The following TMEM87A variants were observed in gnomAD, a reference collection of about 807,000 sequenced individuals.
TMEM87A encodes Golgi-pH regulating cation channel.
In TMEM87A, 50 loss-of-function variants were observed where a neutral mutation model predicts 90.0. That is an observed-to-expected ratio of 0.56 (90% CI 0.44 to 0.70). TMEM87A has a LOEUF of 0.70. Among genes scored for constraint, TMEM87A ranks in the 30% least tolerant of loss-of-function variants. The probability of loss-of-function intolerance (pLI) is 0.00; values close to 1 mark genes in which losing one functional copy is unlikely to be tolerated. For synonymous variants in TMEM87A, 226 were observed against 226.7 expected (o/e 1.00, Z 0.03); for missense variants, 577 against 660.5 (o/e 0.87, Z 1.39).
intron 17 of TMEM87A, among the ~76,000 whole-genome samples, chr15:42,218,728 C>T (rs1156274572): frequency 2.0e-5 from 3 of 152,088 alleles, no homozygotes; most frequent in African/African-American, 7.2e-5. Context: ...CACGCTGTTG[C>T]GAATGACAAG....
chr15:42,235,831 C>T (rs907288979), intron 10 of TMEM87A, among the ~76,000 whole-genome samples: 12 of 152,110 alleles, frequency 7.9e-5, no homozygotes, highest in South Asian at 2.1e-4. Context: ...TGTCTTTGTC[C>T]CCTCCCTCCA....
chr15:42,239,834 C>T (rs2140945762), intron 7 of TMEM87A, 103 bp from the exon 8 acceptor site: 1 of 1,006,086 alleles, frequency 9.9e-7, no homozygotes, highest in East Asian at 2.4e-5. Flanking sequence ...TTCATTGGGT[C>T]ATTTACTTTT....
At chr15:42,250,083 G>A (rs1233677187) in intron 6 of TMEM87A, among the ~76,000 whole-genome samples, 1 of 152,118 alleles carries the variant, frequency 6.6e-6, no homozygotes, top group Non-Finnish European at 1.5e-5. Context: ...GACTAGAATT[G>A]CAACCCTGCT....
At chr15:42,219,948 C>A (rs1287313982) in intron 16 of TMEM87A, 114 bp downstream of exon 16, 2 of 1,005,504 alleles carry the variant, frequency 2.0e-6, no homozygotes, top group Non-Finnish European at 2.9e-6. Flanking sequence ...ATTTTCTTAA[C>A]CCTGACTTCA....
intron 15 of TMEM87A, 38 bp downstream of exon 15, chr15:42,226,768 A>G (rs2050602530): frequency 6.4e-7 from 1 of 1,556,392 alleles, no homozygotes; most frequent in South Asian, 1.1e-5. Context: ...TGACATGGTC[A>G]TCTCATGTTA....
At chr15:42,226,736 C>T (rs2050601850) in intron 15 of TMEM87A, 70 bp downstream of exon 15, 1 of 1,340,406 alleles carries the variant, frequency 7.5e-7, no homozygotes, top group Admixed American at 1.7e-5. Flanking sequence ...ATACTGTCCC[C>T]CAATGCACCA....
rs749092887 is a variant in TMEM87A at position 42,211,465 on chromosome 15, G to A, written c.*243C>T. 1 of 415,454 alleles carries A rather than the reference G, an allele frequency of 2.4e-6. No homozygotes were observed. The highest frequency in any genetic ancestry group is 3.7e-5 in the East Asian group (1 of 27,130). 25.7% of individuals were successfully genotyped at this position (415,454 alleles called of 1,614,324 possible). A position where few individuals can be genotyped will look rare whatever the true frequency, so the allele number is the denominator to read the frequency against. ...CATGAACATCCATGTCAGAGTCTGG[G>A]AGGAAAGGGGGCAGCAGTGTTGTAA... is the stretch of plus-strand genomic sequence containing the variant. On this transcript the variant is annotated 3_prime_UTR_variant, in exon 20 of 20. Transcript: ENST00000389834.
chr15:42,229,708 G>C (rs2050654860), intron 12 of TMEM87A, among the ~76,000 whole-genome samples: 1 of 152,132 alleles, frequency 6.6e-6, no homozygotes, highest in Non-Finnish European at 1.5e-5. Context: ...AAGCTCATAT[G>C]GTTTGCTTCC....
At position 42,217,877 on chromosome 15, in the gene TMEM87A, G is replaced by A. The variant is rs562473483; in HGVS notation, c.1596-44C>T. 12 of 1,578,176 alleles carry A rather than the reference G, an allele frequency of 7.6e-6. No individual in the cohort carries two copies. The East Asian group carries it at 2.2e-4, about 30-fold the overall frequency. Reference sequence around the variant, plus strand: ...ACTAAATTGAACAATGTAAAATAAAGCCATAAATGGTTCATAAAAGACAAT... The same window carrying A: ...ACTAAATTGAACAATGTAAAATAAAACCATAAATGGTTCATAAAAGACAAT... On this transcript the variant is annotated intron_variant, in intron 18 of 19. Transcript: ENST00000389834.
At chr15:42,238,239 G>C (rs540959540) in intron 8 of TMEM87A, among the ~76,000 whole-genome samples, 1 of 152,142 alleles carries the variant, frequency 6.6e-6, no homozygotes, top group Admixed American at 6.5e-5. Context: ...TTCAAGGCCA[G>C]TCTAGGCAAC....
intron 15 of TMEM87A, among the ~76,000 whole-genome samples, chr15:42,221,525 C>T (rs1371362608): frequency 1.3e-5 from 2 of 151,830 alleles, no homozygotes; most frequent in African/African-American, 2.4e-5. Context: ...AATTAAGTTC[C>T]AATCAAAATC....
At chr15:42,273,522 T>G, upstream of TMEM87A, 1 of 1,478,496 alleles carries the variant, frequency 6.8e-7, no homozygotes, top group Non-Finnish European at 9.0e-7. Context: ...GCTTGTTTGC[T>G]GTGCGGCGTA....
chr15:42,233,137 A>G, intron 11 of TMEM87A, 76 bp downstream of exon 11: 1 of 1,288,566 alleles, frequency 7.8e-7, no homozygotes, highest in Non-Finnish European at 1.1e-6. Context: ...GCCCACAGAC[A>G]TTTCCAATCC....
At chr15:42,263,183 T>G (rs937425695) in intron 4 of TMEM87A, among the ~76,000 whole-genome samples, 3 of 152,136 alleles carry the variant, frequency 2.0e-5, no homozygotes, top group Non-Finnish European at 1.5e-5. Context: ...AAAAACAAAA[T>G]GTGGTACATA....
intron 2 of TMEM87A, among the ~76,000 whole-genome samples, chr15:42,270,262 C>A (rs936143229): frequency 6.6e-6 from 1 of 151,900 alleles, no homozygotes; most frequent in African/African-American, 2.4e-5. Context: ...CCCAGCTACT[C>A]GGGAGGCTGA....
At chr15:42,247,779 T>C (rs1307145717) in intron 6 of TMEM87A, among the ~76,000 whole-genome samples, 1 of 152,186 alleles carries the variant, frequency 6.6e-6, no homozygotes, top group African/African-American at 2.4e-5. Flanking sequence ...GGCTCTTTTT[T>C]GGTTCCATAT....
chr15:42,257,579 G>A (rs77151028), intron 6 of TMEM87A, among the ~76,000 whole-genome samples: 1,770 of 152,270 alleles, frequency 0.012, 18 homozygotes, highest in Non-Finnish European at 0.019. Context: ...TCACTTTCTT[G>A]GGGCCATAAA....
intron 7 of TMEM87A, among the ~76,000 whole-genome samples, chr15:42,241,458 AAT>A (rs1486871038): frequency 6.6e-6 from 1 of 152,200 alleles, no homozygotes; most frequent in East Asian, 1.9e-4. Context: ...TTAAAGAACA[AAT>A]ATAGTCTGAG....
In TMEM87A at chr15:42,241,397, T is replaced by C. The variant is rs16972927; in HGVS notation, c.623-1666A>G. 8.1e-3 allele frequency among the ~76,000 whole-genome samples: 1,231 copies of C among 152,242 alleles called. 8 individuals carry two copies. The highest frequency in any genetic ancestry group is 0.037 in the Middle Eastern group (11 of 294). On this transcript the variant is annotated intron_variant, in intron 7 of 19. Coordinates refer to ENST00000389834, the MANE Select transcript of TMEM87A (RefSeq NM_015497.5). ...TTCCAGAACAAAGTAAAAAGCCTTC[T>C]AGGTAGAGGAAATAACATGAACAAA...
Sources: allele counts gnomAD v4.1 joint callset (sites outside exome capture counted in the v4.1 genomes callset), GRCh38; gene constraint gnomAD v4.1.1; transcripts MANE v1.5; gene names NCBI Gene and HGNC (gene_info 2026-07-23, HGNC 2026-07-21).